Variants in TCERG1L observed in about 807,000 individuals in gnomAD.
TCERG1L encodes the protein transcription elongation regulator 1 like.
A neutral mutation model predicts 56.3 loss-of-function variants in TCERG1L; 37 were observed. The ratio of observed to expected loss-of-function variants is 0.66; its 90% CI spans 0.51 to 0.87. TCERG1L has a LOEUF of 0.87. Ranked by LOEUF, TCERG1L falls within the 40% of genes least tolerant of loss-of-function variation. TCERG1L has a pLI of 0.00. For missense variants in TCERG1L, 799 were observed against 774.2 expected, an observed-to-expected ratio of 1.03 and a Z score of -0.38; for synonymous variants, 324 against 326.3, an observed-to-expected ratio of 0.99 and a Z score of 0.08.
At chr10:131,106,689 G>C (rs1232015326) in intron 9 of TCERG1L, among the ~76,000 whole-genome samples, 1 of 152,084 alleles carries the variant, frequency 6.6e-6, no homozygotes, top group African/African-American at 2.4e-5. Context: ...GGCCACCCTG[G>C]GATCCGGGCA....
At chr10:131,098,051 AAAATGGTT>A (rs1234019909) in intron 11 of TCERG1L, among the ~76,000 whole-genome samples, 2 of 152,192 alleles carry the variant, frequency 1.3e-5, no homozygotes, top group Non-Finnish European at 2.9e-5. Flanking sequence ...GGGTAGGAAT[AAAATGGTT>A]GTGATGCATT....
intron 3 of TCERG1L, among the ~76,000 whole-genome samples, chr10:131,278,500 G>C (rs1846417899): frequency 6.6e-6 from 1 of 151,888 alleles, no homozygotes; most frequent in South Asian, 2.1e-4. Context: ...ACGATGCCCA[G>C]CTAATTTTTT....
At chr10:131,182,698 C>T (rs1398397912) in intron 4 of TCERG1L, among the ~76,000 whole-genome samples, 1 of 152,232 alleles carries the variant, frequency 6.6e-6, no homozygotes, top group East Asian at 1.9e-4. Flanking sequence ...AAGCTCATAT[C>T]AAGTCGGCTC....
At chr10:131,199,456 C>G (rs2133471919) in intron 4 of TCERG1L, among the ~76,000 whole-genome samples, 1 of 152,328 alleles carries the variant, frequency 6.6e-6, no homozygotes, top group South Asian at 2.1e-4. Flanking sequence ...TCTGCCTTCA[C>G]CAAGTCCCAG....
At position 131,270,173 on chromosome 10, in the gene TCERG1L, A is replaced by T. The variant is rs182615826; in HGVS notation, c.671-9729T>A. On this transcript the variant is annotated intron_variant, in intron 3 of 11. Coordinates refer to ENST00000368642, the MANE Select transcript of TCERG1L (RefSeq NM_174937.4). ...GGCACCTGGCTCTGGGACTGGAAAG[A>T]TGATATAACGTGGGCACCCAGGCAA... Among the ~76,000 whole-genome samples, 389 of 152,274 alleles carry T rather than the reference A, an allele frequency of 2.6e-3. 3 individuals carry two copies. The highest frequency in any genetic ancestry group is 9.1e-3 in the African/African-American group (380 of 41,546).
chr10:131,159,332 G>T (rs1564804140), intron 6 of TCERG1L, among the ~76,000 whole-genome samples: 1 of 152,178 alleles, frequency 6.6e-6, no homozygotes. Flanking sequence ...ATGGGCTGTT[G>T]TGCCTCTGGC....
At chr10:131,159,141 G>A (rs1383613770) in intron 6 of TCERG1L, among the ~76,000 whole-genome samples, 1 of 152,242 alleles carries the variant, frequency 6.6e-6, no homozygotes, top group Non-Finnish European at 1.5e-5. Flanking sequence ...AGGAAAAGGG[G>A]CAGTGTGCCC....
At chr10:131,245,821 G>A (rs926176386) in intron 4 of TCERG1L, among the ~76,000 whole-genome samples, 4 of 152,212 alleles carry the variant, frequency 2.6e-5, no homozygotes, top group South Asian at 2.1e-4. Context: ...GCTCTGTGGG[G>A]TGGGCTGCAG....
chr10:131,164,126 TAA>T (rs11327805), intron 5 of TCERG1L: 65 of 93,284 alleles, frequency 7.0e-4, no homozygotes, highest in Non-Finnish European at 8.8e-4. Flanking sequence ...GACTCTGTCT[TAA>T]AAAAAAAAAA....
chr10:131,227,515 G>C (rs573778942), intron 4 of TCERG1L, among the ~76,000 whole-genome samples: 34 of 152,258 alleles, frequency 2.2e-4, no homozygotes, highest in African/African-American at 7.9e-4. Context: ...ACCTAATATA[G>C]ACCTGAGATA....
intron 10 of TCERG1L, among the ~76,000 whole-genome samples, chr10:131,102,227 T>A (rs1845311271): frequency 6.6e-6 from 1 of 152,194 alleles, no homozygotes; most frequent in Admixed American, 6.5e-5. Flanking sequence ...TATTATTAAT[T>A]CCAAGTTCTT....
At chr10:131,253,649 G>A (rs1396633441) in intron 4 of TCERG1L, among the ~76,000 whole-genome samples, 5 of 152,128 alleles carry the variant, frequency 3.3e-5, no homozygotes, top group Admixed American at 2.6e-4. Context: ...GTGGGTGTGC[G>A]ATGAAGGTCT....
At chr10:131,133,111 A>G (rs551713068) in intron 8 of TCERG1L, among the ~76,000 whole-genome samples, 2 of 152,256 alleles carry the variant, frequency 1.3e-5, no homozygotes, top group East Asian at 1.9e-4. Flanking sequence ...TCATGGCTCC[A>G]TCGGCACCCA....
At chr10:131,256,981 G>GA (rs1457343442) in intron 4 of TCERG1L, among the ~76,000 whole-genome samples, 833 of 81,836 alleles carry the variant, frequency 0.01, 11 homozygotes, top group African/African-American at 0.033. Flanking sequence ...AGGAAGGAAG[G>GA]AAGGAAGGAA....
rs952862318 is a variant in TCERG1L at position 131,267,472 on chromosome 10, AG to A, written c.671-7029del. On this transcript the variant is annotated intron_variant, in intron 3 of 11. Coordinates refer to ENST00000368642, the MANE Select transcript of TCERG1L (RefSeq NM_174937.4). The surrounding 1 kb of genome is among the most constrained non-coding windows in gnomAD (Gnocchi z 4.9). ...CGGCAGCTCCCACACTGCCAACTTGAGGGGGGTCATGGCTCCTGCCTGTCCC... is the reference window on the plus strand; with the variant it reads ...CGGCAGCTCCCACACTGCCAACTTGAGGGGGTCATGGCTCCTGCCTGTCCC... 7.9e-5 allele frequency among the ~76,000 whole-genome samples: 12 copies of A among 152,242 alleles called. No homozygotes were observed. In the East Asian group the frequency reaches 1.2e-3, roughly 15 times the overall value.
At chr10:131,147,417 G>A (rs546843034) in intron 6 of TCERG1L, among the ~76,000 whole-genome samples, 2 of 152,288 alleles carry the variant, frequency 1.3e-5, no homozygotes, top group African/African-American at 2.4e-5. Flanking sequence ...GGAGGTGCAC[G>A]GGAGACTCTG....
intron 4 of TCERG1L, among the ~76,000 whole-genome samples, chr10:131,203,006 C>A (rs1037733474): frequency 5.9e-5 from 9 of 152,168 alleles, no homozygotes; most frequent in Admixed American, 1.3e-4. Context: ...TATTCTGGTT[C>A]ACAGATTGTG....
At chr10:131,191,833 C>T (rs1377580763) in intron 4 of TCERG1L, among the ~76,000 whole-genome samples, 2 of 108,800 alleles carry the variant, frequency 1.8e-5, no homozygotes, top group East Asian at 5.0e-4. Flanking sequence ...CCACTGCACT[C>T]CAGCCTGGGG....
intron 4 of TCERG1L, among the ~76,000 whole-genome samples, chr10:131,176,861 GACACGTGCACACACACCAAA>G (rs1846162014): frequency 6.6e-6 from 1 of 151,326 alleles, no homozygotes; most frequent in Admixed American, 6.6e-5. Context: ...AACACACAGA[GACACGTGCACACACACCAAA>G]ACACATGCAC....
Sources: allele counts gnomAD v4.1 joint callset (sites outside exome capture counted in the v4.1 genomes callset), GRCh38; gene constraint gnomAD v4.1.1; non-coding constraint Gnocchi (gnomAD v3.1); transcripts MANE v1.5; gene names NCBI Gene and HGNC (gene_info 2026-07-23, HGNC 2026-07-21).